Variants in MRLN observed in about 807,000 individuals in gnomAD.
MRLN encodes the protein myoregulin, also known as Linc-RNA activator of myogenesis.
chr10:59,743,084 A>G (rs1244136181), intron 1 of MRLN, among the ~76,000 whole-genome samples: 1 of 152,156 alleles, frequency 6.6e-6, no homozygotes, highest in African/African-American at 2.4e-5. Context: ...ACTAAACAAA[A>G]TAAAAGACCA....
intron 2 of MRLN, among the ~76,000 whole-genome samples, chr10:59,737,477 C>A (rs1840936779): frequency 6.6e-6 from 1 of 152,100 alleles, no homozygotes; most frequent in Non-Finnish European, 1.5e-5. Flanking sequence ...AAGGAACTTT[C>A]ATAGTGGCCA....
chr10:59,750,109 G>C (rs1385782527), intron 1 of MRLN, among the ~76,000 whole-genome samples: 3 of 103,312 alleles, frequency 2.9e-5, no homozygotes, highest in Non-Finnish European at 5.2e-5. Flanking sequence ...TTTCGCTCTT[G>C]TTGCCTAGGC....
At chr10:59,737,261 A>G in intron 2 of MRLN, 41 bp from the exon 3 acceptor site, 1 of 389,076 alleles carries the variant, frequency 2.6e-6, no homozygotes, top group East Asian at 3.6e-5. Flanking sequence ...GAACACATTT[A>G]TAATACTGAT....
Position 59,737,211 on chromosome 10 carries a change from A to C in MRLN, c.-11T>G, listed in dbSNP as rs77788409. On this transcript the variant is annotated 5_prime_UTR_variant, in exon 3 of 3. Transcript: ENST00000414264. ...GTTTTTACCAGTCATATCCAGAATT[A>C]TCCCGCTCCCTAGGAAAAAAGAGAA... The C allele has an allele frequency of 9.4e-3, 3,741 of 396,828 alleles. 133 individuals are homozygous for C. The highest frequency in any genetic ancestry group is 0.071 in the African/African-American group (3,448 of 48,672). The allele number at this position is 396,828 out of a possible 1,614,324, so 24.6% of individuals were successfully genotyped here.
intron 1 of MRLN, chr10:59,739,199 AAAC>A (rs1296823123): frequency 6.6e-6 from 1 of 152,204 alleles, no homozygotes; most frequent in Non-Finnish European, 1.5e-5. Flanking sequence ...CTTCATGACA[AAAC>A]AACAATTACA....
At chr10:59,740,837 G>A (rs755535725) in intron 1 of MRLN, among the ~76,000 whole-genome samples, 1 of 139,296 alleles carries the variant, frequency 7.2e-6, no homozygotes, top group Non-Finnish European at 1.5e-5. Flanking sequence ...CTCTCTTATC[G>A]CCCAGGCTGG....
At chr10:59,738,775 A>C (rs1840949651) in intron 1 of MRLN, 1 of 152,224 alleles carries the variant, frequency 6.6e-6, no homozygotes, top group South Asian at 2.1e-4. Context: ...AGAAAGATTA[A>C]GCTAAATTCT....
chr10:59,745,162 T>C (rs989028602), intron 1 of MRLN, among the ~76,000 whole-genome samples: 1 of 152,088 alleles, frequency 6.6e-6, no homozygotes, highest in Non-Finnish European at 1.5e-5. Flanking sequence ...CATGGTAGTG[T>C]TTCTTCTTTA....
chr10:59,745,511 A>C (rs947282507), intron 1 of MRLN, among the ~76,000 whole-genome samples: 6 of 78,524 alleles, frequency 7.6e-5, no homozygotes, highest in Admixed American at 5.8e-4. Context: ...ACCCCCCACC[A>C]TGTGAACACC....
chr10:59,748,845 G>C (rs944662934), intron 1 of MRLN, among the ~76,000 whole-genome samples: 4 of 152,192 alleles, frequency 2.6e-5, no homozygotes, highest in African/African-American at 9.7e-5. Context: ...TTTGATTCCA[G>C]CCCATGTATA....
chr10:59,753,233 A>G (rs1270706413), intron 1 of MRLN, 121 bp downstream of exon 1: 1 of 152,188 alleles, frequency 6.6e-6, no homozygotes, highest in African/African-American at 2.4e-5. Context: ...TTAGCCTACT[A>G]TGTTCTCCCT....
intron 1 of MRLN, among the ~76,000 whole-genome samples, chr10:59,752,802 GACAA>G (rs955384174): frequency 3.6e-4 from 52 of 142,530 alleles, no homozygotes; most frequent in African/African-American, 1.4e-3. Context: ...AGGCTGCAAA[GACAA>G]AGAAAGCCTC....
At chr10:59,745,950 T>C (rs1228083487) in intron 1 of MRLN, among the ~76,000 whole-genome samples, 1 of 152,206 alleles carries the variant, frequency 6.6e-6, no homozygotes, top group African/African-American at 2.4e-5. Flanking sequence ...ATCCCTCTAT[T>C]ATATAAAAGT....
intron 1 of MRLN, among the ~76,000 whole-genome samples, chr10:59,752,683 A>G (rs1185530698): frequency 6.6e-6 from 1 of 152,254 alleles, no homozygotes; most frequent in African/African-American, 2.4e-5. Context: ...ACCCTGCTCA[A>G]GAGAACCAAG....
At chr10:59,740,946 C>T (rs1003635805) in intron 1 of MRLN, among the ~76,000 whole-genome samples, 3 of 151,848 alleles carry the variant, frequency 2.0e-5, no homozygotes, top group African/African-American at 4.8e-5. Flanking sequence ...TACAGGAATG[C>T]ACCACCACAT....
At position 59,737,092 on chromosome 10, in the gene MRLN, T is replaced by C. The variant is rs1219419695; in HGVS notation, c.109A>G (p.Ile37Val). ...GTTATCACAACATATATAATAGAAA[T>C]TAAGTCAACAAAGATAACAAACAAA... is the stretch of plus-strand genomic sequence containing the variant. ...KILFVIFVDL[I>V]SIIYVVITS Residue 37 changes from isoleucine (I) to valine (V), a missense_variant, in exon 3 of 3, where the codon ATT becomes GTT. Transcript: ENST00000414264. 7.5e-6 allele frequency: 3 copies of C among 397,706 alleles called. No homozygotes were observed. The highest frequency in any genetic ancestry group is 1.3e-5 in the Non-Finnish European group (3 of 225,340). The allele number at this position is 397,706 out of a possible 1,614,324, so 24.6% of individuals were successfully genotyped here. A position where few individuals can be genotyped will look rare whatever the true frequency, so the allele number is the denominator to read the frequency against.
chr10:59,753,403 T>C lies in MRLN; in HGVS notation c.-174A>G, dbSNP rs938949679. ...TCCAAAGTCAAGGGAATGATCTCTC[T>C]CTTTTATGAAAAACACCATATGGTC... On this transcript the variant is annotated 5_prime_UTR_variant, in exon 1 of 3. Coordinates refer to ENST00000414264, the MANE Select transcript of MRLN (RefSeq NM_001304731.2). 2.6e-5 allele frequency: 4 copies of C among 152,098 alleles called. No individual in the cohort carries two copies. Among genetic ancestry groups the C allele is most frequent in the Admixed American group, 2.6e-4 (4 of 15,276 alleles). The allele number at this position is 152,098 out of a possible 1,614,324, so 9.4% of individuals were successfully genotyped here.
rs143088093 is a variant in MRLN, at chr10:59,749,592, G to A, written c.-125+3762C>T. On this transcript the variant is annotated intron_variant, in intron 1 of 2. Transcript: ENST00000414264. ...ACCTGTAGTCTCAGCTACTCAGGAGGCTGAAGCACAAGAGTCGCTTGAACC... is the reference window on the plus strand; with the variant it reads ...ACCTGTAGTCTCAGCTACTCAGGAGACTGAAGCACAAGAGTCGCTTGAACC... Among the ~76,000 whole-genome samples, 673 of 152,092 alleles carry A rather than the reference G, an allele frequency of 4.4e-3. 3 individuals carry two copies. Among genetic ancestry groups the A allele is most frequent in the South Asian group, 0.013 (62 of 4,818 alleles).
chr10:59,747,055 C>T (rs1413362423), intron 1 of MRLN, among the ~76,000 whole-genome samples: 1 of 152,230 alleles, frequency 6.6e-6, no homozygotes, highest in African/African-American at 2.4e-5. Flanking sequence ...CCGCCTCATC[C>T]TCCCAAAGTG....
Sources: allele counts gnomAD v4.1 joint callset (sites outside exome capture counted in the v4.1 genomes callset), GRCh38; gene constraint gnomAD v4.1.1; transcripts MANE v1.5; gene names NCBI Gene and HGNC (gene_info 2026-07-23, HGNC 2026-07-21).